The following GUCY1A2 variants were observed in gnomAD, a reference collection of about 807,000 sequenced individuals.
GUCY1A2 encodes the protein guanylate cyclase 1 soluble subunit alpha 2.
GUCY1A2 carries 27 observed loss-of-function variants against 63.5 expected under a neutral mutation model. The observed-to-expected ratio is 0.43, with a 90% confidence interval of 0.31 to 0.59. The LOEUF is 0.59. Among genes scored for constraint, GUCY1A2 ranks in the 20% least tolerant of loss-of-function variants. The pLI is 0.11. For missense variants in GUCY1A2, 768 were observed against 913.3 expected, an observed-to-expected ratio of 0.84 and a Z score of 2.05; for synonymous variants, 364 against 343.5, an observed-to-expected ratio of 1.06 and a Z score of -0.66.
rs932587499 is a variant in GUCY1A2 at position 106,676,854 on chromosome 11, T to TA, written c.*10694dup. ...CTAACTTAAGACATTTGTAAGGGGG[T>TA]AAAAATAGGAGATTGTCCAAACAGA... is the stretch of plus-strand genomic sequence containing the variant. On this transcript the variant is annotated 3_prime_UTR_variant, in exon 8 of 8. Transcript: ENST00000526355. 1.0e-5 allele frequency: 2 copies of TA among 200,076 alleles called. No homozygotes were observed. The highest frequency in any genetic ancestry group is 4.6e-5 in the African/African-American group (2 of 43,228). The allele number at this position is 200,076 out of a possible 1,614,324, so 12.4% of individuals were successfully genotyped here.
rs77474042 is a variant in GUCY1A2, at chr11:106,714,823, A to G, written c.1837-6157T>C. 3.8e-3 allele frequency among the ~76,000 whole-genome samples: 576 copies of G among 152,184 alleles called. 12 individuals carry two copies. In the East Asian group the frequency reaches 0.052, roughly 14 times the overall value. On this transcript the variant is annotated intron_variant, in intron 6 of 7. Coordinates refer to ENST00000526355, the MANE Select transcript of GUCY1A2 (RefSeq NM_000855.3). The stretch of plus-strand genomic sequence containing the variant: ...AACAGCTCCCCAGCCCTGGAAAAGA[A>G]TTTTCCAGCCCCAAATATCAACAGT...
In GUCY1A2 at chr11:107,018,032, G is replaced by C. The variant is rs781513016; in HGVS notation, c.24C>G (p.Ser8=). The C allele has an allele frequency of 1.4e-6, 2 of 1,473,004 alleles. No individual in the cohort carries two copies. The highest frequency in any genetic ancestry group is 1.5e-5 in the African/African-American group (1 of 68,310). 91.2% of individuals were successfully genotyped at this position (1,473,004 alleles called of 1,614,324 possible). A position where few individuals can be genotyped will look rare whatever the true frequency, so the allele number is the denominator to read the frequency against. ...CGGAGCCCAGGGAGCTGAAGGACTC[G>C]GACGAAATCTTCCTTCGAGACATGC... MSRRKIS[S]ESFSSLGSDY... is the part of the protein sequence containing the mutation. The change falls in exon 1 of 8, where the codon TCC becomes TCG. Residue 8 remains serine, a synonymous_variant. Transcript: ENST00000526355.
Position 106,868,662 on chromosome 11 carries a change from A to G in GUCY1A2, c.1207-58184T>C, listed in dbSNP as rs1859629618. ...CTCATGGATAGGAAGAATCAATATC[A>G]TGAAAATGGCCCTACTGCCCAAGGT... On this transcript the variant is annotated intron_variant, in intron 4 of 7. Transcript: ENST00000526355. Among the ~76,000 whole-genome samples, 3 of 152,220 alleles carry G rather than the reference A, an allele frequency of 2.0e-5. No individual in the cohort carries two copies. In the South Asian group the frequency reaches 6.2e-4, roughly 32 times the overall value.
chr11:106,723,599 C>A (rs1056354882), intron 6 of GUCY1A2, among the ~76,000 whole-genome samples: 6 of 152,142 alleles, frequency 3.9e-5, no homozygotes, highest in Non-Finnish European at 8.8e-5. Flanking sequence ...CCAAGGAGGA[C>A]AGATCACCTG....
intron 6 of GUCY1A2, chr11:106,746,402 C>G: frequency 2.2e-6 from 1 of 459,158 alleles, no homozygotes; most frequent in Non-Finnish European, 3.9e-6. Context: ...AAAGTAGAGT[C>G]TCAACAAACT....
intron 5 of GUCY1A2, 101 bp downstream of exon 5, chr11:106,809,892 G>T: frequency 1.4e-6 from 1 of 737,736 alleles, no homozygotes; most frequent in South Asian, 2.3e-5. Context: ...TTAAAGAGTT[G>T]TCAATTATTT....
rs545642351 is a variant in GUCY1A2, at chr11:106,823,918, G to T, written c.1207-13440C>A. ...TTGCCCACTTTTTTTTTCTTTAAAGGCTTTATTTGCATTCTTGTAAATTTT... is the reference window on the plus strand; with the variant it reads ...TTGCCCACTTTTTTTTTCTTTAAAGTCTTTATTTGCATTCTTGTAAATTTT... On this transcript the variant is annotated intron_variant, in intron 4 of 7. Coordinates refer to ENST00000526355, the MANE Select transcript of GUCY1A2 (RefSeq NM_000855.3). 4.3e-5 allele frequency: 16 copies of T among 376,296 alleles called. No individual in the cohort carries two copies. The East Asian group carries it at 5.4e-4, about 13-fold the overall frequency. 23.3% of individuals were successfully genotyped at this position (376,296 alleles called of 1,614,324 possible).
chr11:106,773,214 A>G (rs187071727), intron 6 of GUCY1A2, among the ~76,000 whole-genome samples: 10 of 151,106 alleles, frequency 6.6e-5, no homozygotes, highest in East Asian at 5.8e-4. Flanking sequence ...TTTGCCATCA[A>G]TGCAAGTATT....
At chr11:106,888,296 A>G (rs2135476249) in intron 4 of GUCY1A2, among the ~76,000 whole-genome samples, 1 of 146,658 alleles carries the variant, frequency 6.8e-6, no homozygotes, top group Non-Finnish European at 1.5e-5. Flanking sequence ...CTCTCTACTA[A>G]AAATACAAAA....
intron 4 of GUCY1A2, among the ~76,000 whole-genome samples, chr11:106,914,765 T>G (rs1860346795): frequency 6.6e-6 from 1 of 152,004 alleles, no homozygotes; most frequent in South Asian, 2.1e-4. Flanking sequence ...GTATTTGGAA[T>G]TTTGCAACAG....
intron 6 of GUCY1A2, among the ~76,000 whole-genome samples, chr11:106,709,540 A>ATAG (rs1863019827): frequency 1.5e-5 from 1 of 65,330 alleles, no homozygotes; most frequent in Admixed American, 2.5e-4. Flanking sequence ...AATATAATAT[A>ATAG]TTATATTATT....
chr11:106,846,039 C>A (rs1465868746), intron 4 of GUCY1A2, among the ~76,000 whole-genome samples: 1 of 151,486 alleles, frequency 6.6e-6, no homozygotes, highest in Admixed American at 6.6e-5. Context: ...AGGAAACAAT[C>A]AGAAAAATTC....
intron 5 of GUCY1A2, among the ~76,000 whole-genome samples, chr11:106,806,859 T>C (rs549568387): frequency 4.7e-4 from 71 of 152,354 alleles, no homozygotes; most frequent in African/African-American, 1.6e-3. Flanking sequence ...AGAATGGTCA[T>C]ATTATGTCTT....
In GUCY1A2 at chr11:106,912,070, G is replaced by T. The variant is rs529354045; in HGVS notation, c.1206+27390C>A. On this transcript the variant is annotated intron_variant, in intron 4 of 7. Transcript: ENST00000526355. ...ATTGCCACATTCCTCCAACAAACTA[G>T]CTGCTAAAAGAAAATAAAAATCAAT... is the stretch of plus-strand genomic sequence containing the variant. Among the ~76,000 whole-genome samples the T allele has an allele frequency of 1.3e-4, 20 of 151,928 alleles. No individual in the cohort carries two copies. The South Asian group carries it at 2.9e-3, about 22-fold the overall frequency.
At chr11:106,874,630 C>A (rs1465096301) in intron 4 of GUCY1A2, among the ~76,000 whole-genome samples, 1 of 151,978 alleles carries the variant, frequency 6.6e-6, no homozygotes, top group African/African-American at 2.4e-5. Flanking sequence ...AAGAAGAATG[C>A]CGACCTTATT....
At chr11:106,760,992 A>G (rs1021164867) in intron 6 of GUCY1A2, among the ~76,000 whole-genome samples, 5 of 152,194 alleles carry the variant, frequency 3.3e-5, no homozygotes, top group African/African-American at 1.2e-4. Flanking sequence ...ACCTTCTGCC[A>G]CAGATTTGTG....
At position 106,683,636 on chromosome 11, in the gene GUCY1A2, G is replaced by C. The variant is rs189442267; in HGVS notation, c.*3913C>G. 8 of 226,776 alleles carry C rather than the reference G, an allele frequency of 3.5e-5. No homozygotes were observed. The highest frequency in any genetic ancestry group is 5.3e-5 in the Non-Finnish European group (6 of 113,952). 14.0% of individuals were successfully genotyped at this position (226,776 alleles called of 1,614,324 possible). On this transcript the variant is annotated 3_prime_UTR_variant, in exon 8 of 8. Coordinates refer to ENST00000526355, the MANE Select transcript of GUCY1A2 (RefSeq NM_000855.3). ...AGAATGCTGTTTGCTGTGGCCAGGCGTGAGGGGGTGAGATGGTTTCTAGTG... is the reference window on the plus strand; with the variant it reads ...AGAATGCTGTTTGCTGTGGCCAGGCCTGAGGGGGTGAGATGGTTTCTAGTG...
Position 106,686,337 on chromosome 11 carries a change from A to G in GUCY1A2, c.*1212T>C, listed in dbSNP as rs1173594249. The G allele has an allele frequency of 4.5e-6, 1 of 220,298 alleles. No individual in the cohort carries two copies. The highest frequency in any genetic ancestry group is 9.1e-6 in the Non-Finnish European group (1 of 109,916). 13.6% of individuals were successfully genotyped at this position (220,298 alleles called of 1,614,324 possible). ...GATTATACCTACTTCAGTATTCATG[A>G]AAGTGATTCACTGAATTTAAAAGCC... On this transcript the variant is annotated 3_prime_UTR_variant, in exon 8 of 8. Transcript: ENST00000526355.
intron 3 of GUCY1A2, among the ~76,000 whole-genome samples, chr11:106,966,467 G>A (rs1248454783): frequency 6.6e-6 from 1 of 152,082 alleles, no homozygotes; most frequent in African/African-American, 2.4e-5. Context: ...TTTGTTACTT[G>A]TCTGTAGTTT....
Sources: gnomAD v4.1 joint callset for allele counts (sites outside exome capture counted in the v4.1 genomes callset) on GRCh38, gnomAD v4.1.1 for gene constraint, MANE v1.5 for transcripts, NCBI Gene and HGNC (gene_info 2026-07-23, HGNC 2026-07-21) for gene names.